Variants in PHKB observed in about 807,000 individuals in gnomAD.
PHKB encodes the protein phosphorylase b kinase regulatory subunit beta.
Under a neutral mutation model 152.1 loss-of-function variants are expected in PHKB, and 122 were observed. The observed-to-expected ratio is 0.80, with a 90% CI of 0.69 to 0.93. The LOEUF (loss-of-function observed/expected upper bound fraction) is 0.93. Ranked by LOEUF, PHKB falls within the 40% of genes least tolerant of loss-of-function variation. The pLI, the probability that PHKB is intolerant of heterozygous loss-of-function variation, is 0.00. For synonymous variants in PHKB, 436 were observed against 464.9 expected (o/e 0.94, Z 0.80); for missense variants, 1,304 against 1,328.4 (o/e 0.98, Z 0.29).
At chr16:47,500,898 C>T (rs1970314572) in intron 3 of PHKB, among the ~76,000 whole-genome samples, 1 of 152,128 alleles carries the variant, frequency 6.6e-6, no homozygotes, top group South Asian at 2.1e-4. Context: ...AAAATTGTAT[C>T]TTCCACATGA....
At chr16:47,503,583 C>T (rs1416421526) in intron 4 of PHKB, among the ~76,000 whole-genome samples, 1 of 152,060 alleles carries the variant, frequency 6.6e-6, no homozygotes, top group African/African-American at 2.4e-5. Context: ...GTAATCCCAG[C>T]ACTTTGGGAG....
At chr16:47,549,085 A>G (rs888222286) in intron 7 of PHKB, among the ~76,000 whole-genome samples, 14 of 152,222 alleles carry the variant, frequency 9.2e-5, no homozygotes, top group South Asian at 6.2e-4. Context: ...TCAATGAAAA[A>G]GTCAGTGAAG....
chr16:47,509,912 G>A (rs572729145), intron 4 of PHKB, among the ~76,000 whole-genome samples: 39 of 152,182 alleles, frequency 2.6e-4, no homozygotes, highest in Non-Finnish European at 4.7e-4. Context: ...GACTACCCCC[G>A]GCTTCCGACA....
At chr16:47,644,320 A>T (rs1184793346) in intron 16 of PHKB, among the ~76,000 whole-genome samples, 1 of 152,214 alleles carries the variant, frequency 6.6e-6, no homozygotes, top group East Asian at 1.9e-4. Flanking sequence ...TATTCACAGC[A>T]TGTGTGGCTC....
At chr16:47,668,240 T>G (rs1406994801) in intron 25 of PHKB, among the ~76,000 whole-genome samples, 1 of 152,172 alleles carries the variant, frequency 6.6e-6, no homozygotes, top group Non-Finnish European at 1.5e-5. Flanking sequence ...TTTGTTTTCT[T>G]CTTTACACAC....
At chr16:47,658,710 A>C (rs1312734656) in intron 20 of PHKB, among the ~76,000 whole-genome samples, 1 of 152,014 alleles carries the variant, frequency 6.6e-6, no homozygotes, top group East Asian at 1.9e-4. Context: ...TATGCCACCT[A>C]CGTTTGTGTA....
At chr16:47,630,689 A>G (rs1272418717) in intron 14 of PHKB, among the ~76,000 whole-genome samples, 1 of 152,132 alleles carries the variant, frequency 6.6e-6, no homozygotes, top group Non-Finnish European at 1.5e-5. Context: ...CTGCCCAGCT[A>G]TTTGGTCAAA....
At chr16:47,604,881 T>C (rs1356175462) in intron 13 of PHKB, among the ~76,000 whole-genome samples, 1 of 152,184 alleles carries the variant, frequency 6.6e-6, no homozygotes, top group Non-Finnish European at 1.5e-5. Context: ...GGTGCTGTAC[T>C]GTAAATGTAG....
intron 7 of PHKB, chr16:47,566,336 A>G: frequency 2.9e-6 from 4 of 1,360,258 alleles, no homozygotes; most frequent in South Asian, 2.3e-5. Flanking sequence ...CCCCATTTCT[A>G]TCACAGCCAG....
Position 47,660,748 on chromosome 16 carries a change from G to A in PHKB, c.2125G>A (p.Gly709Arg). ...QSSTPSAPEL[G>R]QQPDVNISEW... ...CAGCACCCCTAGTGCTCCTGAACTG[G>A]GACAGCAGCCGGATGTCAACATTAG... is the stretch of plus-strand genomic sequence containing the variant. The change falls in exon 22 of 31, where the codon GGA (glycine) becomes AGA (arginine). Residue 709 changes from glycine to arginine, a missense_variant. Coordinates refer to ENST00000323584, the MANE Select transcript of PHKB (RefSeq NM_000293.3). 6.2e-7 allele frequency: 1 copy of A among 1,614,080 alleles called. No homozygotes were observed. Among genetic ancestry groups the A allele is most frequent in the Non-Finnish European group, 8.5e-7 (1 of 1,179,982 alleles).
At chr16:47,547,674 T>C in intron 7 of PHKB, 126 bp downstream of exon 7, 1 of 667,540 alleles carries the variant, frequency 1.5e-6, no homozygotes, top group Non-Finnish European at 2.7e-6. Context: ...TTTTTCTACC[T>C]ATGATGCAGA....
intron 7 of PHKB, chr16:47,565,499 C>T (rs2151684280): frequency 7.4e-7 from 1 of 1,351,724 alleles, no homozygotes; most frequent in South Asian, 1.2e-5. Context: ...GCTGGCATTA[C>T]CTTTAGGGGC....
intron 10 of PHKB, 111 bp from the exon 11 acceptor site, chr16:47,593,389 G>A (rs1456539013): frequency 3.4e-5 from 23 of 674,490 alleles, no homozygotes; most frequent in Non-Finnish European, 4.8e-5. Context: ...GCAGAGAGCC[G>A]TGATTGTGCC....
chr16:47,618,367 C>G (rs1004846405), intron 14 of PHKB, among the ~76,000 whole-genome samples: 2 of 152,250 alleles, frequency 1.3e-5, no homozygotes, highest in Non-Finnish European at 2.9e-5. Context: ...TATGTGCACT[C>G]TGCTCTCTGG....
chr16:47,624,732 TCTTACTTCCCTTC>T (rs1432399976), intron 14 of PHKB, among the ~76,000 whole-genome samples: 4 of 152,222 alleles, frequency 2.6e-5, no homozygotes, highest in Non-Finnish European at 5.9e-5. Flanking sequence ...CAAGGGCCTG[TCTTACTTCCCTTC>T]TTTCCTTCCC....
At chr16:47,612,051 A>G (rs1259100237) in intron 14 of PHKB, among the ~76,000 whole-genome samples, 2 of 152,214 alleles carry the variant, frequency 1.3e-5, no homozygotes, top group Non-Finnish European at 2.9e-5. Context: ...TTTAGTAGCT[A>G]TGGATTCAGA....
At chr16:47,678,552 G>T (rs374029683) in intron 26 of PHKB, among the ~76,000 whole-genome samples, 4,176 of 152,070 alleles carry the variant, frequency 0.027, 92 homozygotes, top group Non-Finnish European at 0.04. Context: ...GTGTTTTTTG[G>T]CTGCATAAAT....
chr16:47,550,868 C>T (rs142899728), intron 7 of PHKB, among the ~76,000 whole-genome samples: 1 of 152,262 alleles, frequency 6.6e-6, no homozygotes, highest in East Asian at 1.9e-4. Flanking sequence ...GGTTGGTAGG[C>T]TATTAATTAC....
intron 7 of PHKB, among the ~76,000 whole-genome samples, chr16:47,551,564 C>T (rs1296304751): frequency 6.6e-6 from 1 of 152,198 alleles, no homozygotes; most frequent in Non-Finnish European, 1.5e-5. Flanking sequence ...TTTGATTGCA[C>T]TGTGGTTTGA....
Sources: allele counts gnomAD v4.1 joint callset (sites outside exome capture counted in the v4.1 genomes callset), GRCh38; gene constraint gnomAD v4.1.1; transcripts MANE v1.5; gene names NCBI Gene and HGNC (gene_info 2026-07-23, HGNC 2026-07-21).